The following VDR variants were observed in gnomAD, a reference collection of about 807,000 sequenced individuals.
VDR encodes the protein vitamin D receptor.
A neutral mutation model predicts 39.7 loss-of-function variants in VDR; 19 were observed. The observed-to-expected ratio is 0.48, with a 90% CI of 0.33 to 0.70. The LOEUF (loss-of-function observed/expected upper bound fraction) is 0.70. Ranked by LOEUF, VDR falls within the 30% of genes least tolerant of loss-of-function variation. The probability of loss-of-function intolerance (pLI) is 0.02; values close to 1 mark genes in which losing one functional copy is unlikely to be tolerated. For missense variants in VDR, 442 were observed against 570.5 expected (o/e 0.77, Z 2.29); for synonymous variants, 242 against 215.8 (o/e 1.12, Z -1.07).
chr12:47,885,664 C>T (rs901941666), intron 1 of VDR, among the ~76,000 whole-genome samples: 1 of 152,204 alleles, frequency 6.6e-6, no homozygotes, highest in African/African-American at 2.4e-5. Context: ...GAGCATGCAA[C>T]TCCAAGACTG....
chr12:47,865,163 C>G lies in VDR; in HGVS notation c.161G>C (p.Arg54Pro), dbSNP rs148368146. 1 of 1,612,744 alleles carries G rather than the reference C, an allele frequency of 6.2e-7. No individual in the cohort carries two copies. The highest frequency in any genetic ancestry group is 8.5e-7 in the Non-Finnish European group (1 of 1,179,276). ...CKGFFRRSMK[R>P]KALFTCPFNG... ...GAAGGGGCAGGTGAATAGTGCCTTC[C>G]GCTTCATGCTTCGCCTGCCGAGAGA... The change falls in exon 4 of 10, where the codon CGG (arginine) becomes CCG (proline). Residue 54 changes from arginine (R) to proline (P), a missense_variant. This residue lies in a region of VDR where 141 missense variants were observed against 141.3 expected (regional missense o/e 1.00). Transcript: ENST00000549336.
intron 3 of VDR, among the ~76,000 whole-genome samples, chr12:47,871,644 C>T (rs955563940): frequency 6.6e-6 from 1 of 151,654 alleles, no homozygotes; most frequent in Non-Finnish European, 1.5e-5. Context: ...TTTGTATTTT[C>T]AATAGAGATG....
chr12:47,885,507 G>A (rs1946235737), intron 1 of VDR, among the ~76,000 whole-genome samples: 1 of 152,212 alleles, frequency 6.6e-6, no homozygotes, highest in South Asian at 2.1e-4. Flanking sequence ...CCTGGGCAGA[G>A]CCCTGGGAGG....
Position 47,855,719 on chromosome 12 carries a change from G to C in VDR, c.666C>G (p.Ser222=), listed in dbSNP as rs1945471367. The C allele has an allele frequency of 6.2e-7, 1 of 1,614,078 alleles. No homozygotes were observed. The highest frequency in any genetic ancestry group is 8.5e-7 in the Non-Finnish European group (1 of 1,179,952). The change falls in exon 7 of 10, where the codon TCC becomes TCG. Residue 222 remains serine, a synonymous_variant. Coordinates refer to ENST00000549336, the MANE Select transcript of VDR (RefSeq NM_000376.3). ...SDDPSVTLEL[S]QLSMLPHLAD... is the part of the protein sequence containing the mutation. ...CCAGGTGGGGCAGCATGGAGAGCTG[G>C]GACAGCTCTAGGGTCACAGAAGGGT... is the stretch of plus-strand genomic sequence containing the variant.
At chr12:47,883,533 C>A (rs1946199304) in intron 1 of VDR, among the ~76,000 whole-genome samples, 1 of 152,206 alleles carries the variant, frequency 6.6e-6, no homozygotes, top group Non-Finnish European at 1.5e-5. Flanking sequence ...GGGGGGCCAG[C>A]AAGGAGGGAT....
chr12:47,879,212 C>T, intron 2 of VDR, 97 bp from the exon 3 acceptor site: 1 of 1,389,206 alleles, frequency 7.2e-7, no homozygotes. Flanking sequence ...CATCCCACCG[C>T]CCCCACCCCC....
At chr12:47,855,250 C>T (rs925750211) in intron 7 of VDR, among the ~76,000 whole-genome samples, 2 of 152,100 alleles carry the variant, frequency 1.3e-5, no homozygotes, top group Admixed American at 1.3e-4. Flanking sequence ...ATCACTTGAA[C>T]CCGGGAGGCG....
chr12:47,888,427 G>C (rs996282751), intron 1 of VDR, among the ~76,000 whole-genome samples: 20 of 152,206 alleles, frequency 1.3e-4, no homozygotes, highest in Non-Finnish European at 2.8e-4. Context: ...AGCGTGGCAG[G>C]ACTCAGAGTG....
At position 47,846,428 on chromosome 12, in the gene VDR, CA is replaced by C; in HGVS notation, c.930del (p.Ile310MetfsTer11). 2.6e-6 allele frequency: 4 copies of C among 1,568,474 alleles called. No homozygotes were observed. Among genetic ancestry groups the C allele is most frequent in the Non-Finnish European group, 3.5e-6 (4 of 1,156,500 alleles). On this transcript the variant is annotated frameshift_variant, in exon 9 of 10. Transcript: ENST00000549336. LOFTEE classifies it high-confidence loss of function. ...CCCACCTGGAACTTGATGAGGGGCT[CA>C]ATCAGCTCCAGGCTGTGTCCGGCTG... Reference protein sequence around the residue: ...VTKAGHSLELIEPLIKFQVGL... With the variant: ...VTKAGHSLELXEPLIKFQVGL...
At chr12:47,850,857 C>T (rs1191381413) in intron 7 of VDR, among the ~76,000 whole-genome samples, 1 of 151,972 alleles carries the variant, frequency 6.6e-6, no homozygotes, top group African/African-American at 2.4e-5. Flanking sequence ...AGGCAGAGCC[C>T]GGCCCCTCCC....
At chr12:47,856,008 G>C (rs570763169) in intron 6 of VDR, among the ~76,000 whole-genome samples, 1 of 152,292 alleles carries the variant, frequency 6.6e-6, no homozygotes, top group Non-Finnish European at 1.5e-5. Flanking sequence ...AAATCAAAGA[G>C]CCAGAGACAC....
intron 1 of VDR, among the ~76,000 whole-genome samples, chr12:47,889,953 T>TCCACATAGGCCTGAGC (rs1343502984): frequency 6.6e-6 from 1 of 151,638 alleles, no homozygotes; most frequent in Non-Finnish European, 1.5e-5. Flanking sequence ...GCAGCCTGAG[T>TCCACATAGGCCTGAGC]CCACATAGGC....
At chr12:47,871,896 G>A (rs1005527645) in intron 3 of VDR, among the ~76,000 whole-genome samples, 2 of 152,168 alleles carry the variant, frequency 1.3e-5, no homozygotes, top group Non-Finnish European at 2.9e-5. Context: ...GATGCAGAAT[G>A]GTGACGTGTG....
In VDR at chr12:47,870,225, T is replaced by G. The variant is rs545553094; in HGVS notation, c.147-5048A>C. ...CCTGCCTTCCAAGGGCACTTCCACA[T>G]GTGTGGCTGTCATTTACTCTCTGCC... On this transcript the variant is annotated intron_variant, in intron 3 of 9. Transcript: ENST00000549336. Among the ~76,000 whole-genome samples the G allele has an allele frequency of 2.6e-5, 4 of 152,326 alleles. No homozygotes were observed. The East Asian group carries it at 7.7e-4, about 29-fold the overall frequency.
In VDR at chr12:47,857,656, G is replaced by A. The variant is rs199705103; in HGVS notation, c.310C>T (p.Arg104Trp). 26 of 1,613,998 alleles carry A rather than the reference G, an allele frequency of 1.6e-5. No individual in the cohort carries two copies. Among genetic ancestry groups the A allele is most frequent in the South Asian group, 2.2e-5 (2 of 91,082 alleles). ...ILTDEEVQRK[R>W]EMILKRKEEE... The stretch of plus-strand genomic sequence containing the variant: ...TCCTTCCGCTTCAGGATCATCTCCC[G>A]CTTCCTCTGCACTTCCTCATCTGTC... Residue 104 changes from arginine (R) to tryptophan (W), a missense_variant, in exon 5 of 10, where the codon CGG (arginine) becomes TGG (tryptophan). Physicochemically the swap from Arg to Trp is moderately radical, Grantham distance 101 (BLOSUM62 -3). Transcript: ENST00000549336.
At chr12:47,874,788 T>C (rs962118064) in intron 3 of VDR, among the ~76,000 whole-genome samples, 9 of 152,180 alleles carry the variant, frequency 5.9e-5, no homozygotes, top group Admixed American at 3.3e-4. Context: ...CATTACACCT[T>C]TTCCTTTATA....
At chr12:47,890,659 C>CA (rs1946353649) in intron 1 of VDR, among the ~76,000 whole-genome samples, 2 of 152,138 alleles carry the variant, frequency 1.3e-5, no homozygotes, top group African/African-American at 4.8e-5. Context: ...AAAACACTCG[C>CA]AAAAACCCAA....
Position 47,844,650 on chromosome 12 carries a change from G to C in VDR, c.*96C>G. On this transcript the variant is annotated 3_prime_UTR_variant, in exon 10 of 10. Coordinates refer to ENST00000549336, the MANE Select transcript of VDR (RefSeq NM_000376.3). Reference sequence around the variant, plus strand: ...GCAGAGGAGGGGCTGAACCCCAGACGGGGTGAGGAGGGCTGCTGAGTAGCC... The same window carrying C: ...GCAGAGGAGGGGCTGAACCCCAGACCGGGTGAGGAGGGCTGCTGAGTAGCC... 6.4e-7 allele frequency: 1 copy of C among 1,556,848 alleles called. No homozygotes were observed. The highest frequency in any genetic ancestry group is 8.8e-7 in the Non-Finnish European group (1 of 1,140,632).
intron 1 of VDR, among the ~76,000 whole-genome samples, chr12:47,887,191 G>A (rs4760649): frequency 0.32 from 49,082 of 151,406 alleles, 8,888 homozygotes; most frequent in South Asian, 0.49. Flanking sequence ...CTTTGGTGGC[G>A]GGTGCCTGTA....
Sources: gnomAD v4.1 joint callset for allele counts (sites outside exome capture counted in the v4.1 genomes callset) on GRCh38, gnomAD v4.1.1 for gene constraint, gnomAD v4.1.1 regional missense constraint, MANE v1.5 for transcripts, NCBI Gene and HGNC (gene_info 2026-07-23, HGNC 2026-07-21) for gene names.